The following MDH1B variants were observed in gnomAD, a reference collection of about 807,000 sequenced individuals.
MDH1B encodes the protein malate dehydrogenase 1B.
In MDH1B, 60 loss-of-function variants were observed where a neutral mutation model predicts 61.4. That is an observed-to-expected ratio of 0.98 (90% CI 0.79 to 1.21). The LOEUF (loss-of-function observed/expected upper bound fraction) is 1.21. Among genes scored for constraint, MDH1B ranks in the 50% most tolerant of loss-of-function variants. The probability of loss-of-function intolerance (pLI) is 0.00; values close to 1 mark genes in which losing one functional copy is unlikely to be tolerated. For synonymous variants in MDH1B, 236 were observed against 218.7 expected, an observed-to-expected ratio of 1.08 and a Z score of -0.70; for missense variants, 587 against 632.1, an observed-to-expected ratio of 0.93 and a Z score of 0.76.
chr2:206,763,613 T>A (rs1390086709), intron 1 of MDH1B, among the ~76,000 whole-genome samples: 3 of 152,254 alleles, frequency 2.0e-5, no homozygotes, highest in Non-Finnish European at 4.4e-5. Flanking sequence ...AACTACTGAA[T>A]GTGGCTCAAA....
chr2:206,745,530 G>C (rs937709297), intron 9 of MDH1B, 92 bp downstream of exon 9: 1 of 928,072 alleles, frequency 1.1e-6, no homozygotes, highest in Non-Finnish European at 1.7e-6. Flanking sequence ...ATATAAATGA[G>C]AGTTATTCAT....
In MDH1B at chr2:206,757,226, A is replaced by C; in HGVS notation, c.270+11T>G. On this transcript the variant is annotated intron_variant, in intron 3 of 11. Coordinates refer to ENST00000374412, the MANE Select transcript of MDH1B (RefSeq NM_001039845.3). ...TTATCATTATTAGAACAGATAAGTTAACTTATATACCTGAGCATGCTCCAG... is the reference window on the plus strand; with the variant it reads ...TTATCATTATTAGAACAGATAAGTTCACTTATATACCTGAGCATGCTCCAG... 6.2e-7 allele frequency: 1 copy of C among 1,604,286 alleles called. No individual in the cohort carries two copies. The highest frequency in any genetic ancestry group is 8.5e-7 in the Non-Finnish European group (1 of 1,176,710).
intron 4 of MDH1B, 123 bp from the exon 5 acceptor site, chr2:206,755,628 A>T: frequency 1.7e-6 from 2 of 1,206,568 alleles, no homozygotes; most frequent in Middle Eastern, 2.7e-4. Flanking sequence ...ATAAGCACAC[A>T]CATAGCTGCC....
intron 10 of MDH1B, among the ~76,000 whole-genome samples, chr2:206,740,614 G>T (rs1449639383): frequency 6.6e-6 from 1 of 152,090 alleles, no homozygotes; most frequent in East Asian, 1.9e-4. Context: ...TATATGATGA[G>T]ATATATATAC....
intron 5 of MDH1B, among the ~76,000 whole-genome samples, chr2:206,752,617 G>T (rs1339145511): frequency 6.6e-6 from 1 of 152,110 alleles, no homozygotes; most frequent in Non-Finnish European, 1.5e-5. Flanking sequence ...CTTGGGCCAG[G>T]TAAGCATATG....
intron 5 of MDH1B, 112 bp from the exon 6 acceptor site, chr2:206,751,187 G>A: frequency 1.4e-6 from 1 of 699,346 alleles, no homozygotes; most frequent in Non-Finnish European, 2.2e-6. Flanking sequence ...TGGTCTTTTT[G>A]GTATAAAATG....
intron 1 of MDH1B, among the ~76,000 whole-genome samples, chr2:206,761,480 C>T (rs977389498): frequency 1.3e-5 from 2 of 151,964 alleles, no homozygotes; most frequent in African/African-American, 2.4e-5. Flanking sequence ...TTCTATTTTC[C>T]GGCTTGGGCA....
Position 206,742,061 on chromosome 2 carries a change from T to C in MDH1B, c.1409-957A>G, listed in dbSNP as rs577964287. Among the ~76,000 whole-genome samples the C allele has an allele frequency of 3.3e-5, 5 of 152,296 alleles. No individual in the cohort carries two copies. In the South Asian group the frequency reaches 1.0e-3, roughly 32 times the overall value. On this transcript the variant is annotated intron_variant, in intron 9 of 11. Coordinates refer to ENST00000374412, the MANE Select transcript of MDH1B (RefSeq NM_001039845.3). ...GAACAAAGGAACATAATGAAGCTGG[T>C]TAGCTGCTCCTAAGTTCAGTGGACA...
chr2:206,747,724 C>T (rs7568966), intron 7 of MDH1B, among the ~76,000 whole-genome samples: 4,714 of 152,166 alleles, frequency 0.031, 245 homozygotes, highest in African/African-American at 0.11. Context: ...TGTGGGGATA[C>T]GGAGGAGAGA....
chr2:206,743,736 A>G lies in MDH1B; in HGVS notation c.1408+1886T>C, dbSNP rs188379698. The stretch of plus-strand genomic sequence containing the variant: ...TCCACAGGCGTGCATGCACACACAC[A>G]CCCCTCCCACATTCTCATATTTTCT... On this transcript the variant is annotated intron_variant, in intron 9 of 11. Coordinates refer to ENST00000374412, the MANE Select transcript of MDH1B (RefSeq NM_001039845.3). 5.9e-5 allele frequency among the ~76,000 whole-genome samples: 9 copies of G among 151,584 alleles called. No homozygotes were observed. In the East Asian group the frequency reaches 1.4e-3, roughly 23 times the overall value.
At chr2:206,765,138 T>C (rs1689364023) in intron 1 of MDH1B, 112 bp downstream of exon 1, 1 of 1,347,470 alleles carries the variant, frequency 7.4e-7, no homozygotes, top group Non-Finnish European at 1.0e-6. Flanking sequence ...TGAATAAATC[T>C]ATAGCAAAGC....
chr2:206,740,730 C>T (rs1279949256), intron 10 of MDH1B, among the ~76,000 whole-genome samples: 1 of 152,000 alleles, frequency 6.6e-6, no homozygotes, highest in Non-Finnish European at 1.5e-5. Context: ...TGCTATCTTG[C>T]CCTATTGGTT....
intron 2 of MDH1B, among the ~76,000 whole-genome samples, chr2:206,757,864 A>C (rs1317092449): frequency 1.3e-5 from 2 of 152,222 alleles, no homozygotes. Context: ...TTATCAGAAA[A>C]AATTTAAATT....
At chr2:206,746,664 C>T (rs762632138) in intron 7 of MDH1B, among the ~76,000 whole-genome samples, 1 of 152,214 alleles carries the variant, frequency 6.6e-6, no homozygotes, top group Non-Finnish European at 1.5e-5. Context: ...CATCCAGAGG[C>T]TAATGCAGTC....
chr2:206,760,728 CAT>C (rs1689042874), intron 2 of MDH1B, among the ~76,000 whole-genome samples, 171 bp downstream of exon 2: 1 of 152,162 alleles, frequency 6.6e-6, no homozygotes, highest in Admixed American at 6.6e-5. Flanking sequence ...AGGGAAAAAA[CAT>C]AAATATTATT....
intron 6 of MDH1B, 79 bp downstream of exon 6, chr2:206,750,855 T>G: frequency 1.9e-5 from 23 of 1,184,084 alleles, no homozygotes; most frequent in Middle Eastern, 2.6e-4. Context: ...CAAAGATTTA[T>G]GAGATGATTT....
chr2:206,758,150 C>G (rs1292053768), intron 2 of MDH1B, among the ~76,000 whole-genome samples: 2 of 152,208 alleles, frequency 1.3e-5, no homozygotes, highest in African/African-American at 4.8e-5. Context: ...GACCAGTGAA[C>G]TACTGGGCCC....
Position 206,755,490 on chromosome 2 carries a change from G to A in MDH1B, c.429C>T (p.Ala143=). ...TCAATATGGGAATTAGGTTGTAGCA[G>A]GCAGGAGCAGAGGCACTGATAAAAA... ...QVWITSASAP[A]CYNLIPILTS... Residue 143 remains alanine (A), a synonymous_variant, in exon 5 of 12, where the codon GCC becomes GCT. Transcript: ENST00000374412. 1 of 1,612,566 alleles carries A rather than the reference G, an allele frequency of 6.2e-7. No homozygotes were observed.
chr2:206,747,748 TG>T (rs1310942594), intron 7 of MDH1B, among the ~76,000 whole-genome samples: 5 of 152,230 alleles, frequency 3.3e-5, no homozygotes, highest in Admixed American at 3.3e-4. Context: ...AGATTAATTC[TG>T]ACATGGGGGA....
Sources: allele counts gnomAD v4.1 joint callset (sites outside exome capture counted in the v4.1 genomes callset), GRCh38; gene constraint gnomAD v4.1.1; transcripts MANE v1.5; gene names NCBI Gene and HGNC (gene_info 2026-07-23, HGNC 2026-07-21).